Variants in SENP5 observed in about 807,000 individuals in gnomAD.
The protein encoded by SENP5 is SUMO specific peptidase 5, also known as sentrin-specific protease 5.
In SENP5, 21 loss-of-function variants were observed where a neutral mutation model predicts 74.2. That is an observed-to-expected ratio of 0.28 (90% CI 0.20 to 0.41). The LOEUF (loss-of-function observed/expected upper bound fraction) is 0.41, where lower values mean the gene tolerates loss of function less well. Among genes scored for constraint, SENP5 ranks in the 10% least tolerant of loss-of-function variants. The pLI, the probability that SENP5 is intolerant of heterozygous loss-of-function variation, is 1.00. For synonymous variants in SENP5, 311 were observed against 312.7 expected, an observed-to-expected ratio of 0.99 and a Z score of 0.06; for missense variants, 717 against 889.1, an observed-to-expected ratio of 0.81 and a Z score of 2.46.
rs745513643 is a variant in SENP5 at position 196,886,587 on chromosome 3, C to T, written c.1406C>T (p.Ala469Val). 6.2e-7 allele frequency: 1 copy of T among 1,613,782 alleles called. No individual in the cohort carries two copies. The highest frequency in any genetic ancestry group is 1.7e-5 in the Admixed American group (1 of 59,940). Residue 469 changes from alanine to valine, a missense_variant, in exon 2 of 10, where the codon GCT becomes GTT. Coordinates refer to ENST00000323460, the MANE Select transcript of SENP5 (RefSeq NM_152699.5). ...DHPYCKSPLE[A>V]PLVCSGLKLE... ...CCTTACTGTAAAAGTCCACTGGAGGCTCCCTTGGTGTGCAGTGGACTCAAA... is the reference window on the plus strand; with the variant it reads ...CCTTACTGTAAAAGTCCACTGGAGGTTCCCTTGGTGTGCAGTGGACTCAAA...
chr3:196,901,465 ACT>A (rs1413306558), intron 5 of SENP5, among the ~76,000 whole-genome samples: 1 of 152,028 alleles, frequency 6.6e-6, no homozygotes, highest in Non-Finnish European at 1.5e-5. Context: ...ACCCTCATAA[ACT>A]CTAAATTCTC....
At chr3:196,921,014 T>TA (rs1306675906) in intron 6 of SENP5, among the ~76,000 whole-genome samples, 2 of 152,246 alleles carry the variant, frequency 1.3e-5, no homozygotes, top group African/African-American at 2.4e-5. Context: ...GGGTCAGTGA[T>TA]ACAATCTGTC....
intron 6 of SENP5, among the ~76,000 whole-genome samples, chr3:196,911,974 G>A (rs1301147793): frequency 6.6e-6 from 1 of 152,222 alleles, no homozygotes; most frequent in Non-Finnish European, 1.5e-5. Context: ...CTTTTACACT[G>A]TTGGTGGGAA....
At chr3:196,904,563 G>A (rs558224898) in intron 6 of SENP5, among the ~76,000 whole-genome samples, 3 of 152,268 alleles carry the variant, frequency 2.0e-5, no homozygotes, top group South Asian at 2.1e-4. Flanking sequence ...TGAGGTGGGC[G>A]GATCACTGAA....
At chr3:196,874,362 C>A (rs1294855827) in intron 1 of SENP5, among the ~76,000 whole-genome samples, 1 of 151,208 alleles carries the variant, frequency 6.6e-6, no homozygotes, top group Non-Finnish European at 1.5e-5. Context: ...TTTGTTCCAC[C>A]TTGGTTTTTG....
At chr3:196,886,967 CATT>C (rs1337539800) in intron 2 of SENP5, among the ~76,000 whole-genome samples, 3 of 152,070 alleles carry the variant, frequency 2.0e-5, no homozygotes, top group Non-Finnish European at 4.4e-5. Flanking sequence ...GCTAAATTCT[CATT>C]ATTAGAATTG....
At position 196,900,397 on chromosome 3, in the gene SENP5, T is replaced by C; in HGVS notation, c.1791T>C (p.Asp597=). ...VINMYGELIM[D]AVPDKVHFFN... is the part of the protein sequence containing the mutation. ...ATATGTATGGTGAGCTGATAATGGATGCAGTCCCAGACAAAGTAAGTGAAA... is the reference window on the plus strand; with the variant it reads ...ATATGTATGGTGAGCTGATAATGGACGCAGTCCCAGACAAAGTAAGTGAAA... Residue 597 remains aspartate (D), a synonymous_variant, in exon 5 of 10, where the codon GAT becomes GAC. Coordinates refer to ENST00000323460, the MANE Select transcript of SENP5 (RefSeq NM_152699.5). 1.2e-6 allele frequency: 2 copies of C among 1,610,984 alleles called. No homozygotes were observed. The highest frequency in any genetic ancestry group is 8.5e-7 in the Non-Finnish European group (1 of 1,178,620).
intron 6 of SENP5, among the ~76,000 whole-genome samples, chr3:196,904,298 T>C (rs906274608): frequency 6.6e-6 from 1 of 152,176 alleles, no homozygotes; most frequent in African/African-American, 2.4e-5. Flanking sequence ...GAGATCCCAT[T>C]TCACTGAAAA....
chr3:196,884,673 T>G (rs1164913241), intron 1 of SENP5, among the ~76,000 whole-genome samples: 4 of 128,912 alleles, frequency 3.1e-5, no homozygotes, highest in African/African-American at 1.5e-4. Context: ...AGTTTTTTTT[T>G]GTTTTTTTTT....
chr3:196,872,101 T>C (rs1713242325), intron 1 of SENP5, among the ~76,000 whole-genome samples: 1 of 152,172 alleles, frequency 6.6e-6, no homozygotes, highest in Admixed American at 6.6e-5. Context: ...GTGGCTGCGC[T>C]GTGAACTTTC....
intron 1 of SENP5, among the ~76,000 whole-genome samples, chr3:196,877,915 A>G (rs1713552988): frequency 6.6e-6 from 1 of 152,208 alleles, no homozygotes; most frequent in South Asian, 2.1e-4. Flanking sequence ...GCTGGTACAT[A>G]TTGGTCAGCA....
At chr3:196,917,668 C>T (rs1410604385) in intron 6 of SENP5, among the ~76,000 whole-genome samples, 1 of 152,028 alleles carries the variant, frequency 6.6e-6, no homozygotes, top group East Asian at 1.9e-4. Flanking sequence ...ATGTCAAGTG[C>T]TGAAGGAAAA....
At chr3:196,925,693 A>G (rs750677652) in intron 7 of SENP5, among the ~76,000 whole-genome samples, 4 of 152,222 alleles carry the variant, frequency 2.6e-5, no homozygotes, top group Non-Finnish European at 5.9e-5. Context: ...TTTGTAAAAC[A>G]TGCAGTTGGG....
In SENP5 at chr3:196,886,382, A is replaced by G; in HGVS notation, c.1201A>G (p.Asn401Asp). ...AGAAATTATGACTCTGGGTCAGGAAAATCAGACAAGTTCTGTCAGTGATGA... is the reference window on the plus strand; with the variant it reads ...AGAAATTATGACTCTGGGTCAGGAAGATCAGACAAGTTCTGTCAGTGATGA... ...EREIMTLGQENQTSSVSDDRV... is the reference protein window; with the variant it reads ...EREIMTLGQEDQTSSVSDDRV... The change falls in exon 2 of 10, where the codon AAT becomes GAT. Residue 401 changes from asparagine to aspartate, a missense_variant. This residue lies in a region of SENP5 where 567 missense variants were observed against 577.4 expected (regional missense o/e 0.98). Coordinates refer to ENST00000323460, the MANE Select transcript of SENP5 (RefSeq NM_152699.5). 1 of 1,612,938 alleles carries G rather than the reference A, an allele frequency of 6.2e-7. No individual in the cohort carries two copies. Among genetic ancestry groups the G allele is most frequent in the Non-Finnish European group, 8.5e-7 (1 of 1,179,366 alleles).
chr3:196,912,604 A>G (rs1272389563), intron 6 of SENP5: 2 of 152,122 alleles, frequency 1.3e-5, no homozygotes, highest in Non-Finnish European at 2.9e-5. Flanking sequence ...TAAGTGCAGC[A>G]AACCACCACG....
chr3:196,905,439 C>G, intron 6 of SENP5, among the ~76,000 whole-genome samples: 1 of 152,190 alleles, frequency 6.6e-6, no homozygotes, highest in African/African-American at 2.4e-5. Flanking sequence ...CCACCCACTT[C>G]AGACACCAGT....
intron 1 of SENP5, among the ~76,000 whole-genome samples, chr3:196,873,470 T>C (rs921896380): frequency 6.6e-6 from 1 of 152,154 alleles, no homozygotes; most frequent in South Asian, 2.1e-4. Flanking sequence ...TGTGTACATA[T>C]GCTTTAAAAA....
At chr3:196,908,997 T>G (rs1347698670) in intron 6 of SENP5, among the ~76,000 whole-genome samples, 1 of 150,646 alleles carries the variant, frequency 6.6e-6, no homozygotes, top group Non-Finnish European at 1.5e-5. Flanking sequence ...TTGAAAAAAT[T>G]AACAAAAAAT....
chr3:196,870,869 G>A (rs962800106), intron 1 of SENP5, among the ~76,000 whole-genome samples: 1 of 151,910 alleles, frequency 6.6e-6, no homozygotes, highest in Non-Finnish European at 1.5e-5. Flanking sequence ...CCTAAAGTCA[G>A]TGATTTAAAA....
Sources: allele counts gnomAD v4.1 joint callset (sites outside exome capture counted in the v4.1 genomes callset), GRCh38; gene constraint gnomAD v4.1.1; regional missense constraint gnomAD v4.1.1; transcripts MANE v1.5; gene names NCBI Gene and HGNC (gene_info 2026-07-23, HGNC 2026-07-21).